Variants in TTC4 observed in about 807,000 individuals in gnomAD.
TTC4 encodes the protein tetratricopeptide repeat domain 4, also known as hsp70/Hsp90 co-chaperone CNS1 homolog.
A neutral mutation model predicts 51.9 loss-of-function variants in TTC4; 36 were observed. The observed-to-expected ratio is 0.69, with a 90% CI of 0.53 to 0.92. The LOEUF (loss-of-function observed/expected upper bound fraction) is 0.92, where lower values mean the gene tolerates loss of function less well. TTC4 is among the 40% of genes least tolerant of loss of function. The pLI is 0.00. For missense variants in TTC4, 399 were observed against 454.6 expected (o/e 0.88, Z 1.11); for synonymous variants, 144 against 164.2 (o/e 0.88, Z 0.94).
chr1:54,733,813 AT>A (rs1645901927), intron 8 of TTC4, 103 bp downstream of exon 8: 1 of 703,296 alleles, frequency 1.4e-6, no homozygotes, highest in Admixed American at 3.4e-5. Flanking sequence ...TTTGAAAATT[AT>A]AGTAAAATAT....
intron 6 of TTC4, among the ~76,000 whole-genome samples, chr1:54,730,364 C>T (rs546894934): frequency 6.7e-6 from 1 of 149,038 alleles, no homozygotes; most frequent in Admixed American, 6.8e-5. Context: ...CTCAACAGTA[C>T]ACGAAGCCAT....
At chr1:54,737,510 C>A in intron 8 of TTC4, 72 bp from the exon 9 acceptor site, 3 of 1,423,092 alleles carry the variant, frequency 2.1e-6, no homozygotes, top group African/African-American at 2.8e-5. Context: ...TTTTAATTTT[C>A]CCTGGGCTTA....
chr1:54,734,851 A>G (rs1304979325), intron 8 of TTC4, among the ~76,000 whole-genome samples: 8 of 152,176 alleles, frequency 5.3e-5, no homozygotes, highest in African/African-American at 1.7e-4. Flanking sequence ...TGTATTTCCT[A>G]CACAAAAGGA....
At chr1:54,737,995 G>C (rs976969015) in intron 9 of TTC4, among the ~76,000 whole-genome samples, 90 of 152,202 alleles carry the variant, frequency 5.9e-4, no homozygotes, top group African/African-American at 2.0e-3. Flanking sequence ...CCACCTCCCA[G>C]GTTCAAGCAA....
In TTC4 at chr1:54,736,231, A is replaced by T. The variant is rs1557753035; in HGVS notation, c.979-1351A>T. ...GAGAGAGAGAGAGAGAGAAGAGGAG[A>T]GGAGAGAGAAGAGAGGAGAGAGGAG... is the stretch of plus-strand genomic sequence containing the variant. On this transcript the variant is annotated intron_variant, in intron 8 of 9. Transcript: ENST00000371281. 4.7e-3 allele frequency among the ~76,000 whole-genome samples: 555 copies of T among 118,588 alleles called. 39 individuals are homozygous for T. The highest frequency in any genetic ancestry group is 0.022 in the African/African-American group (502 of 23,126). 77.8% of individuals were successfully genotyped at this position (118,588 alleles called of 152,430 possible). A position where few individuals can be genotyped will look rare whatever the true frequency, so the allele number is the denominator to read the frequency against.
intron 6 of TTC4, 102 bp from the exon 7 acceptor site, chr1:54,731,384 A>G: frequency 1.9e-6 from 2 of 1,061,068 alleles, no homozygotes; most frequent in Non-Finnish European, 2.6e-6. Context: ...AAATAAAAAA[A>G]TTAGCCAGGC....
chr1:54,734,071 C>CT (rs879553610), intron 8 of TTC4, among the ~76,000 whole-genome samples: 13 of 149,820 alleles, frequency 8.7e-5, no homozygotes, highest in African/African-American at 7.3e-5. Flanking sequence ...TCAGAATTTC[C>CT]TTTTTTTTTT....
chr1:54,721,734 A>G (rs1288257058), intron 4 of TTC4, among the ~76,000 whole-genome samples: 2 of 152,210 alleles, frequency 1.3e-5, no homozygotes, highest in African/African-American at 4.8e-5. Flanking sequence ...TAATTTATTC[A>G]TCACATATTA....
chr1:54,721,290 T>C, intron 4 of TTC4, 50 bp downstream of exon 4: 1 of 1,576,942 alleles, frequency 6.3e-7, no homozygotes, highest in Non-Finnish European at 8.7e-7. Flanking sequence ...GATATGAAGG[T>C]GCTAGGATAC....
At chr1:54,734,745 T>TA (rs757224446) in intron 8 of TTC4, among the ~76,000 whole-genome samples, 1 of 152,126 alleles carries the variant, frequency 6.6e-6, no homozygotes, top group East Asian at 1.9e-4. Context: ...ATTTTTTAAA[T>TA]AAAAAATCAC....
intron 5 of TTC4, among the ~76,000 whole-genome samples, chr1:54,727,066 A>C (rs574023093): frequency 1.3e-5 from 2 of 151,158 alleles, no homozygotes; most frequent in Admixed American, 1.3e-4. Context: ...AAAAAAAAAA[A>C]AAAAACAAAA....
At chr1:54,721,383 C>T (rs1306393224) in intron 4 of TTC4, 143 bp downstream of exon 4, 8 of 627,446 alleles carry the variant, frequency 1.3e-5, no homozygotes, top group Non-Finnish European at 2.1e-5. Context: ...TAAAAGAATT[C>T]CTCAGAGAGT....
intron 5 of TTC4, among the ~76,000 whole-genome samples, chr1:54,726,164 C>T (rs912381007): frequency 6.6e-6 from 1 of 152,070 alleles, no homozygotes; most frequent in Non-Finnish European, 1.5e-5. Context: ...TACCTAAACA[C>T]ATTATAATTA....
intron 5 of TTC4, among the ~76,000 whole-genome samples, chr1:54,725,459 T>G (rs1645788214): frequency 6.6e-6 from 1 of 152,168 alleles, no homozygotes. Flanking sequence ...GGGCTATACA[T>G]GTGCTCAGGA....
At chr1:54,730,681 A>G (rs896703515) in intron 6 of TTC4, among the ~76,000 whole-genome samples, 2 of 152,128 alleles carry the variant, frequency 1.3e-5, no homozygotes, top group South Asian at 4.1e-4. Flanking sequence ...AGGTGACCCT[A>G]CTATTTCAGA....
At position 54,741,636 on chromosome 1, in the gene TTC4, T is replaced by G; in HGVS notation, c.*123T>G. ...TTTCCGTCACCCTGGGGATAGTCCT[T>G]CCTGGCATCGTGGTGGGGGAGGAGC... On this transcript the variant is annotated 3_prime_UTR_variant, in exon 10 of 10. Transcript: ENST00000371281. 1.2e-6 allele frequency: 1 copy of G among 814,760 alleles called. No individual in the cohort carries two copies. The highest frequency in any genetic ancestry group is 1.6e-5 in the South Asian group (1 of 63,502). 50.5% of individuals were successfully genotyped at this position (814,760 alleles called of 1,614,324 possible).
At chr1:54,736,502 C>G (rs911944607) in intron 8 of TTC4, among the ~76,000 whole-genome samples, 1 of 152,060 alleles carries the variant, frequency 6.6e-6, no homozygotes, top group Non-Finnish European at 1.5e-5. Flanking sequence ...TCCCAAGTAG[C>G]TGGGACCACA....
chr1:54,718,814 CAG>C (rs1570031086), intron 3 of TTC4, among the ~76,000 whole-genome samples: 1 of 151,538 alleles, frequency 6.6e-6, no homozygotes, highest in Non-Finnish European at 1.5e-5. Flanking sequence ...TTAATTGAGA[CAG>C]GGGTCTCGCT....
chr1:54,739,982 T>C (rs577689108), intron 9 of TTC4, among the ~76,000 whole-genome samples: 17 of 152,312 alleles, frequency 1.1e-4, no homozygotes, highest in African/African-American at 4.1e-4. Context: ...GCTCAGAAGT[T>C]AGAGATCATC....
Sources: gnomAD v4.1 joint callset for allele counts (sites outside exome capture counted in the v4.1 genomes callset) on GRCh38, gnomAD v4.1.1 for gene constraint, MANE v1.5 for transcripts, NCBI Gene and HGNC (gene_info 2026-07-23, HGNC 2026-07-21) for gene names.